Variants in SNED1 observed in about 807,000 individuals in gnomAD.
SNED1 encodes the protein sushi, nidogen and EGF-like domain-containing protein 1.
Under a neutral mutation model 166.7 loss-of-function variants are expected in SNED1, and 81 were observed. The observed-to-expected ratio is 0.49, with a 90% CI of 0.41 to 0.58. SNED1 has a LOEUF of 0.58. Ranked by LOEUF, SNED1 falls within the 20% of genes least tolerant of loss-of-function variation. The probability of loss-of-function intolerance (pLI) is 0.00; values close to 1 mark genes in which losing one functional copy is unlikely to be tolerated. For missense variants in SNED1, 1,604 were observed against 2,000.2 expected (o/e 0.80, Z 3.78); for synonymous variants, 762 against 822.0 (o/e 0.93, Z 1.25).
intron 1 of SNED1, among the ~76,000 whole-genome samples, chr2:241,007,513 G>A (rs531676759): frequency 3.9e-5 from 6 of 152,134 alleles, no homozygotes; most frequent in Non-Finnish European, 5.9e-5. Flanking sequence ...TCAGGCTTCC[G>A]GAACAGTGCT....
intron 2 of SNED1, among the ~76,000 whole-genome samples, chr2:241,033,350 C>T (rs1409496315): frequency 1.3e-5 from 2 of 152,210 alleles, no homozygotes; most frequent in African/African-American, 2.4e-5. Flanking sequence ...CGCTGCAGCA[C>T]GGCTCTTCCT....
Position 241,069,787 on chromosome 2 carries a change from T to C in SNED1, c.3308-133T>C. 2.9e-6 allele frequency: 3 copies of C among 1,049,436 alleles called. No homozygotes were observed. Among genetic ancestry groups the C allele is most frequent in the Non-Finnish European group, 2.7e-6 (2 of 729,762 alleles). The allele number at this position is 1,049,436 out of a possible 1,614,324, so 65.0% of individuals were successfully genotyped here. On this transcript the variant is annotated intron_variant, in intron 23 of 31. Coordinates refer to ENST00000310397, the MANE Select transcript of SNED1 (RefSeq NM_001080437.3). The surrounding 1 kb of genome is among the most constrained non-coding windows in gnomAD (Gnocchi z 4.9). The stretch of plus-strand genomic sequence containing the variant: ...GCCAGCCCACACCCCGCCTCGGCAC[T>C]GTACCATTCTCCATAATAAAGAATC...
intron 6 of SNED1, among the ~76,000 whole-genome samples, chr2:241,038,069 A>ACC (rs763567238): frequency 0.21 from 29,776 of 144,682 alleles, 3,343 homozygotes; most frequent in Middle Eastern, 0.29. Flanking sequence ...AGAAAGGTGG[A>ACC]CCCCCCCCCA....
chr2:241,051,112 C>T lies in SNED1; in HGVS notation c.1736-632C>T, dbSNP rs868445832. Among the ~76,000 whole-genome samples the T allele has an allele frequency of 2.0e-5, 3 of 152,222 alleles. No homozygotes were observed. Among genetic ancestry groups the T allele is most frequent in the Non-Finnish European group, 4.4e-5 (3 of 68,036 alleles). ...CGAGCACAGTGGGGCAGGCCCCTCC[C>T]GCCACTCAGAACACCCAGGGGTCCA... On this transcript the variant is annotated intron_variant, in intron 12 of 31. Coordinates refer to ENST00000310397, the MANE Select transcript of SNED1 (RefSeq NM_001080437.3). This position sits in a 1 kb window ranked among gnomAD's most constrained non-coding sequence, Gnocchi z 4.7.
chr2:241,026,882 C>T (rs903459167), intron 1 of SNED1, among the ~76,000 whole-genome samples: 1 of 152,176 alleles, frequency 6.6e-6, no homozygotes, highest in Non-Finnish European at 1.5e-5. Flanking sequence ...AAACTCTAAT[C>T]CCATTAAATA....
At position 241,005,887 on chromosome 2, in the gene SNED1, T is replaced by C. The variant is rs150206671; in HGVS notation, c.213+6837T>C. Among the ~76,000 whole-genome samples the C allele has an allele frequency of 3.8e-3, 582 of 152,198 alleles. 2 individuals carry two copies. The highest frequency in any genetic ancestry group is 0.013 in the African/African-American group (549 of 41,532). On this transcript the variant is annotated intron_variant, in intron 1 of 31. Transcript: ENST00000310397. ...GTATTGTTGTAGGGCTTTAAAAATA[T>C]TTCTTCTGCTTGGTTTCATTAAGAC...
At position 241,094,392 on chromosome 2, in the gene SNED1, A is replaced by C. The variant is rs1192768319; in HGVS notation, c.*2756A>C. On this transcript the variant is annotated 3_prime_UTR_variant, in exon 32 of 32. Coordinates refer to ENST00000310397, the MANE Select transcript of SNED1 (RefSeq NM_001080437.3). The surrounding 1 kb of genome is among the most constrained non-coding windows in gnomAD (Gnocchi z 4.3). ...CCGAGCTGCTTTTCTTTTGCAAAACAAAAGTCTTTTTCTTTGCAGTCACGC... is the reference window on the plus strand; with the variant it reads ...CCGAGCTGCTTTTCTTTTGCAAAACCAAAGTCTTTTTCTTTGCAGTCACGC... 2.1e-6 allele frequency: 1 copy of C among 471,240 alleles called. No homozygotes were observed. The highest frequency in any genetic ancestry group is 2.3e-5 in the Admixed American group (1 of 42,582). The allele number at this position is 471,240 out of a possible 1,614,324, so 29.2% of individuals were successfully genotyped here.
At chr2:240,998,511 C>T (rs1258230582), upstream of SNED1, among the ~76,000 whole-genome samples, 5 of 152,200 alleles carry the variant, frequency 3.3e-5, no homozygotes, top group African/African-American at 1.2e-4. Flanking sequence ...CGCGCCCGCG[C>T]CCTCCCACGG....
chr2:241,083,063 A>G (rs74000359), intron 29 of SNED1, among the ~76,000 whole-genome samples: 1,717 of 131,678 alleles, frequency 0.013, 41 homozygotes, highest in African/African-American at 0.041. Flanking sequence ...GGGACAGACA[A>G]CAGACAGCAG....
At chr2:241,071,922 G>C in intron 26 of SNED1, 44 bp downstream of exon 26, 2 of 1,444,192 alleles carry the variant, frequency 1.4e-6, no homozygotes, top group Non-Finnish European at 1.9e-6. Context: ...GCCCACCCTC[G>C]TCCTCACTGC....
rs2064017874 is a variant in SNED1 at position 241,091,688 on chromosome 2, C to G, written c.*52C>G. 6.6e-6 allele frequency: 1 copy of G among 152,210 alleles called. No individual in the cohort carries two copies. Among genetic ancestry groups the G allele is most frequent in the Admixed American group, 6.5e-5 (1 of 15,278 alleles). 9.4% of individuals were successfully genotyped at this position (152,210 alleles called of 1,614,324 possible). ...CACCAACCTCACGAGTTTCTAACACCCAGGAAGATGAGGTCTAAAAACTGG... is the reference window on the plus strand; with the variant it reads ...CACCAACCTCACGAGTTTCTAACACGCAGGAAGATGAGGTCTAAAAACTGG... On this transcript the variant is annotated 3_prime_UTR_variant, in exon 32 of 32. Transcript: ENST00000310397. This position sits in a 1 kb window ranked among gnomAD's most constrained non-coding sequence, Gnocchi z 4.1.
In SNED1 at chr2:241,018,157, T is replaced by A. The variant is rs2060656583; in HGVS notation, c.214-12127T>A. On this transcript the variant is annotated intron_variant, in intron 1 of 31. Transcript: ENST00000310397. The surrounding 1 kb of genome is among the most constrained non-coding windows in gnomAD (Gnocchi z 5.4). ...ATTCGCCTTGCCGTGGTCCCTGCTG[T>A]GCTGATTTGGTTAAGTCTTTTTGCC... is the stretch of plus-strand genomic sequence containing the variant. Among the ~76,000 whole-genome samples the A allele has an allele frequency of 6.6e-6, 1 of 152,226 alleles. No homozygotes were observed. The highest frequency in any genetic ancestry group is 2.4e-5 in the African/African-American group (1 of 41,458).
rs1274624600 is a variant in SNED1 at position 240,999,740 on chromosome 2, A to G, written c.213+690A>G. 4.6e-5 allele frequency among the ~76,000 whole-genome samples: 7 copies of G among 152,154 alleles called. No homozygotes were observed. ...CAGCTCAGCTGAAGGAACAGGCCCG[A>G]GTGCCGGTTCTGTCTCCATGGCTCC... On this transcript the variant is annotated intron_variant, in intron 1 of 31. Coordinates refer to ENST00000310397, the MANE Select transcript of SNED1 (RefSeq NM_001080437.3). This position sits in a 1 kb window ranked among gnomAD's most constrained non-coding sequence, Gnocchi z 5.8.
In SNED1 at chr2:241,018,135, C is replaced by T. The variant is rs567326258; in HGVS notation, c.214-12149C>T. Among the ~76,000 whole-genome samples, 127 of 152,342 alleles carry T rather than the reference C, an allele frequency of 8.3e-4. No homozygotes were observed. Among genetic ancestry groups the T allele is most frequent in the Non-Finnish European group, 1.3e-3 (90 of 68,038 alleles). On this transcript the variant is annotated intron_variant, in intron 1 of 31. Coordinates refer to ENST00000310397, the MANE Select transcript of SNED1 (RefSeq NM_001080437.3). This position sits in a 1 kb window ranked among gnomAD's most constrained non-coding sequence, Gnocchi z 5.4. ...GTAGCTCTGTCTGAGAACCGCCATT[C>T]GCCTTGCCGTGGTCCCTGCTGTGCT...
chr2:241,022,542 C>T (rs919407678), intron 1 of SNED1, among the ~76,000 whole-genome samples: 22 of 152,248 alleles, frequency 1.4e-4, no homozygotes, highest in Admixed American at 1.0e-3. Flanking sequence ...AATCAGTTGG[C>T]CTTGTTTCCA....
chr2:241,040,009 G>T, intron 6 of SNED1, 66 bp from the exon 7 acceptor site: 1 of 1,279,810 alleles, frequency 7.8e-7, no homozygotes. Context: ...ACGTCCCAGG[G>T]GTTTCTGTCC....
chr2:241,063,390 C>T (rs1009618879), intron 17 of SNED1, 197 bp from the exon 18 acceptor site: 44 of 603,946 alleles, frequency 7.3e-5, no homozygotes, highest in Non-Finnish European at 2.1e-5. Context: ...GGGGCTTTGC[C>T]AGCAGGCAGT....
chr2:241,068,001 CG>C lies in SNED1; in HGVS notation c.3194+58del. ...TGGGGTGAAGGCAGGGGTGGGGGCT[CG>C]GGGACACGGGGCCCAGGTCTCGGGC... On this transcript the variant is annotated intron_variant, in intron 22 of 31. Transcript: ENST00000310397. This position sits in a 1 kb window ranked among gnomAD's most constrained non-coding sequence, Gnocchi z 5.3. 1 of 1,359,800 alleles carries C rather than the reference CG, an allele frequency of 7.4e-7. No individual in the cohort carries two copies. The allele number at this position is 1,359,800 out of a possible 1,614,324, so 84.2% of individuals were successfully genotyped here.
At chr2:241,002,645 G>A (rs2060110372) in intron 1 of SNED1, among the ~76,000 whole-genome samples, 2 of 152,132 alleles carry the variant, frequency 1.3e-5, no homozygotes, top group African/African-American at 4.8e-5. Flanking sequence ...GCTGTGATCT[G>A]CCTGGACCTC....
Sources: allele counts gnomAD v4.1 joint callset (sites outside exome capture counted in the v4.1 genomes callset), GRCh38; gene constraint gnomAD v4.1.1; non-coding constraint Gnocchi (gnomAD v3.1); transcripts MANE v1.5; gene names NCBI Gene and HGNC (gene_info 2026-07-23, HGNC 2026-07-21).